FUT8: variants seen among roughly 807,000 people sequenced by gnomAD.
FUT8 encodes alpha-(1,6)-fucosyltransferase.
Under a neutral mutation model 71.3 loss-of-function variants are expected in FUT8, and 29 were observed. The observed-to-expected ratio is 0.41, with a 90% CI of 0.30 to 0.55. The LOEUF is 0.55. FUT8 is among the 20% of genes least tolerant of loss of function. The pLI is 0.34. For synonymous variants in FUT8, 254 were observed against 239.3 expected, an observed-to-expected ratio of 1.06 and a Z score of -0.57; for missense variants, 544 against 702.1, an observed-to-expected ratio of 0.77 and a Z score of 2.55.
intron 3 of FUT8, among the ~76,000 whole-genome samples, chr14:65,593,379 A>G (rs557002614): frequency 2.0e-5 from 3 of 152,338 alleles, no homozygotes; most frequent in South Asian, 4.2e-4. Flanking sequence ...TGCAATAGCA[A>G]TCAAACCAGA....
At chr14:65,377,639 G>T in the FUT8 span, among the ~76,000 whole-genome samples, 2 of 152,062 alleles carry the variant, frequency 1.3e-5, no homozygotes, top group African/African-American at 4.8e-5. Flanking sequence ...CTAATTCCTT[G>T]GTTTAAGTAG....
intron 9 of FUT8, among the ~76,000 whole-genome samples, chr14:65,728,238 C>T (rs1288540850): frequency 1.3e-5 from 2 of 152,194 alleles, no homozygotes; most frequent in Admixed American, 6.5e-5. Context: ...ACTTCTTGTA[C>T]CAATTTACTG....
intron 3 of FUT8, among the ~76,000 whole-genome samples, chr14:65,589,355 T>G (rs555965313): frequency 6.6e-6 from 1 of 151,924 alleles, no homozygotes; most frequent in African/African-American, 2.4e-5. Context: ...GCATAGAGAC[T>G]TAGAATTCTA....
chr14:65,594,071 A>G (rs1361081710), intron 3 of FUT8, among the ~76,000 whole-genome samples: 2 of 152,230 alleles, frequency 1.3e-5, no homozygotes, highest in Non-Finnish European at 2.9e-5. Flanking sequence ...ATCTGCATTA[A>G]AACTAGTCAG....
intron 1 of FUT8, among the ~76,000 whole-genome samples, chr14:65,443,576 T>C (rs1240230818): frequency 6.6e-6 from 1 of 151,396 alleles, no homozygotes; most frequent in Non-Finnish European, 1.5e-5. Flanking sequence ...AAAAATTAGC[T>C]GGGTGTGGTG....
chr14:65,531,097 A>G (rs1452925966), intron 2 of FUT8, among the ~76,000 whole-genome samples: 2 of 151,634 alleles, frequency 1.3e-5, no homozygotes, highest in East Asian at 1.9e-4. Context: ...AGCATTGGAA[A>G]TTGTAAGCAG....
chr14:65,499,994 C>G (rs1181501074), intron 2 of FUT8, among the ~76,000 whole-genome samples: 1 of 152,120 alleles, frequency 6.6e-6, no homozygotes, highest in Non-Finnish European at 1.5e-5. Flanking sequence ...TGTTTGGTCT[C>G]ACATACACAC....
At chr14:65,570,749 AG>A (rs1216154987) in intron 3 of FUT8, among the ~76,000 whole-genome samples, 1 of 152,114 alleles carries the variant, frequency 6.6e-6, no homozygotes, top group African/African-American at 2.4e-5. Context: ...GTCGTGTTAA[AG>A]TGAATTAAAT....
At chr14:65,428,687 G>A (rs529806162) in intron 1 of FUT8, among the ~76,000 whole-genome samples, 1 of 152,252 alleles carries the variant, frequency 6.6e-6, no homozygotes, top group African/African-American at 2.4e-5. Flanking sequence ...CAACTCTGAG[G>A]ATGGGGATAA....
the FUT8 span, among the ~76,000 whole-genome samples, chr14:65,359,405 A>G: frequency 2.0e-5 from 3 of 152,232 alleles, 1 homozygote; most frequent in South Asian, 4.1e-4. Flanking sequence ...CGTTAAGTAC[A>G]TTCACGTTGT....
chr14:65,571,357 G>T (rs778606924), intron 3 of FUT8, among the ~76,000 whole-genome samples: 14 of 152,104 alleles, frequency 9.2e-5, no homozygotes, highest in Non-Finnish European at 1.6e-4. Context: ...TGGGAATCAT[G>T]CACATAGCAG....
At chr14:65,711,988 AC>A (rs1414462777) in intron 7 of FUT8, among the ~76,000 whole-genome samples, 1 of 152,214 alleles carries the variant, frequency 6.6e-6, no homozygotes, top group African/African-American at 2.4e-5. Flanking sequence ...TCTGGTGAAT[AC>A]ATTTTAAACA....
intron 7 of FUT8, among the ~76,000 whole-genome samples, chr14:65,701,299 G>A (rs1161941711): frequency 1.3e-5 from 2 of 152,056 alleles, no homozygotes. Flanking sequence ...ATTTAAGGAC[G>A]GAAGCAAAAT....
chr14:65,424,763 G>A (rs946722881), intron 1 of FUT8, among the ~76,000 whole-genome samples: 1 of 151,890 alleles, frequency 6.6e-6, no homozygotes, highest in Non-Finnish European at 1.5e-5. Flanking sequence ...TGACTCAAGC[G>A]ATTCTCCCAT....
chr14:65,721,217 A>G (rs1171359629), intron 7 of FUT8, among the ~76,000 whole-genome samples: 1 of 150,528 alleles, frequency 6.6e-6, no homozygotes, highest in Admixed American at 6.6e-5. Context: ...CTATTCAGCC[A>G]TCTTGCTTCA....
At chr14:65,734,326 C>T (rs562662684) in intron 10 of FUT8, among the ~76,000 whole-genome samples, 5 of 152,010 alleles carry the variant, frequency 3.3e-5, no homozygotes, top group South Asian at 2.1e-4. Context: ...GAGTATACTT[C>T]GGAGAGTAAA....
intron 7 of FUT8, among the ~76,000 whole-genome samples, chr14:65,685,922 T>C (rs187032865): frequency 1.3e-5 from 2 of 152,360 alleles, no homozygotes; most frequent in East Asian, 3.9e-4. Flanking sequence ...TTATGCAAGT[T>C]GTTTTATCAG....
chr14:65,545,591 T>G (rs956401408), intron 2 of FUT8, among the ~76,000 whole-genome samples: 15 of 152,010 alleles, frequency 9.9e-5, no homozygotes, highest in Admixed American at 8.5e-4. Flanking sequence ...TTCTATTATG[T>G]TGAATTACTT....
At chr14:65,648,043 G>T (rs1475624281) in intron 6 of FUT8, among the ~76,000 whole-genome samples, 5 of 152,178 alleles carry the variant, frequency 3.3e-5, no homozygotes, top group African/African-American at 1.2e-4. Context: ...TAGACCAGAG[G>T]TCAGCAAACT....
Sources: gnomAD v4.1 joint callset for allele counts (sites outside exome capture counted in the v4.1 genomes callset) on GRCh38, gnomAD v4.1.1 for gene constraint, MANE v1.5 for transcripts, NCBI Gene and HGNC (gene_info 2026-07-23, HGNC 2026-07-21) for gene names.